C12orf42: variants seen among roughly 807,000 people sequenced by gnomAD.
C12orf42 encodes the protein uncharacterized protein C12orf42.
Under a neutral mutation model 21.6 loss-of-function variants are expected in C12orf42, and 25 were observed. The ratio of observed to expected loss-of-function variants is 1.16; its 90% CI spans 0.84 to 1.62. The LOEUF is 1.62. Among genes scored for constraint, C12orf42 ranks in the 40% most tolerant of loss-of-function variants. The pLI is 0.00. For synonymous variants in C12orf42, 174 were observed against 175.0 expected (o/e 0.99, Z 0.05); for missense variants, 483 against 459.3 (o/e 1.05, Z -0.47).
chr12:103,396,188 TG>T (rs2047517092), intron 3 of C12orf42, among the ~76,000 whole-genome samples: 6 of 151,648 alleles, frequency 4.0e-5, no homozygotes, highest in Admixed American at 6.6e-5. Flanking sequence ...TGGTGGGAGG[TG>T]ACTGGATCAT....
chr12:103,369,925 C>T (rs1381097837), intron 3 of C12orf42, among the ~76,000 whole-genome samples: 1 of 152,058 alleles, frequency 6.6e-6, no homozygotes, highest in Non-Finnish European at 1.5e-5. Flanking sequence ...AAGAAACTAT[C>T]AACAGAGTAA....
At chr12:103,219,215 A>G in the C12orf42 span, among the ~76,000 whole-genome samples, 1 of 152,206 alleles carries the variant, frequency 6.6e-6, no homozygotes, top group Non-Finnish European at 1.5e-5. Flanking sequence ...ATATGCAGAA[A>G]ACTGAAACTG....
chr12:103,062,852 C>A, the C12orf42 span, among the ~76,000 whole-genome samples: 1 of 152,002 alleles, frequency 6.6e-6, no homozygotes, highest in African/African-American at 2.4e-5. Context: ...TCCATTCTAT[C>A]TCTCCCTCTC....
At chr12:103,113,580 C>T in the C12orf42 span, among the ~76,000 whole-genome samples, 1 of 150,624 alleles carries the variant, frequency 6.6e-6, no homozygotes, top group Non-Finnish European at 1.5e-5. Flanking sequence ...TAAGGGGGTG[C>T]TACTGGCATC....
At chr12:103,399,461 C>T (rs867113338) in intron 3 of C12orf42, among the ~76,000 whole-genome samples, 2 of 149,498 alleles carry the variant, frequency 1.3e-5, no homozygotes, top group East Asian at 1.9e-4. Flanking sequence ...CTCCACCTCC[C>T]GGGTTCAAAT....
the C12orf42 span, chr12:103,155,292 T>G: frequency 2.6e-5 from 4 of 152,208 alleles, no homozygotes; most frequent in Admixed American, 2.6e-4. Context: ...GTAGGTGGTA[T>G]GCACCTCCAA....
At position 103,475,183 on chromosome 12, in the gene C12orf42, C is replaced by T. The variant is rs142921551; in HGVS notation, c.78+3166G>A. On this transcript the variant is annotated intron_variant, in intron 2 of 5. Coordinates refer to ENST00000548883, the MANE Select transcript of C12orf42 (RefSeq NM_198521.5). Reference sequence around the variant, plus strand: ...AACAAATGCCCATGACCCAGGTCACCTCATCCCAGCAGGCTTTTGCCGCGG... The same window carrying T: ...AACAAATGCCCATGACCCAGGTCACTTCATCCCAGCAGGCTTTTGCCGCGG... 2.8e-3 allele frequency among the ~76,000 whole-genome samples: 429 copies of T among 152,304 alleles called. 4 individuals are homozygous for T. Among genetic ancestry groups the T allele is most frequent in the African/African-American group, 9.7e-3 (404 of 41,562 alleles).
the C12orf42 span, among the ~76,000 whole-genome samples, chr12:103,204,007 T>C: frequency 6.6e-6 from 1 of 152,154 alleles, no homozygotes; most frequent in Non-Finnish European, 1.5e-5. Context: ...GATGATAAAA[T>C]CATTTCTTCA....
At chr12:103,469,108 G>A (rs76898800) in intron 2 of C12orf42, among the ~76,000 whole-genome samples, 2,091 of 152,166 alleles carry the variant, frequency 0.014, 56 homozygotes, top group African/African-American at 0.047. Flanking sequence ...TCACACCACC[G>A]TCACATCTCA....
rs550401992 is a variant in C12orf42, at chr12:103,414,873, A to C, written c.79-13198T>G. On this transcript the variant is annotated intron_variant, in intron 2 of 5. Coordinates refer to ENST00000548883, the MANE Select transcript of C12orf42 (RefSeq NM_198521.5). ...TTCTTTTCCTATTTGGATGCCTTTTATTTCTTTCTCTTGCTTGATTGCTCT... is the reference window on the plus strand; with the variant it reads ...TTCTTTTCCTATTTGGATGCCTTTTCTTTCTTTCTCTTGCTTGATTGCTCT... Among the ~76,000 whole-genome samples the C allele has an allele frequency of 3.3e-5, 5 of 152,208 alleles. No homozygotes were observed. In the South Asian group the frequency reaches 1.0e-3, roughly 32 times the overall value.
At chr12:103,229,193 A>C in the C12orf42 span, among the ~76,000 whole-genome samples, 6 of 152,164 alleles carry the variant, frequency 3.9e-5, no homozygotes, top group Admixed American at 2.6e-4. Context: ...AATTCTCCAC[A>C]TCTGCCTTCC....
chr12:103,508,093 T>C, the C12orf42 span, among the ~76,000 whole-genome samples: 1 of 152,204 alleles, frequency 6.6e-6, no homozygotes, highest in East Asian at 1.9e-4. Context: ...TTCAGGATTA[T>C]TGTAAGGGTG....
rs188180148 is a variant in C12orf42 at position 103,291,758 on chromosome 12, C to T, written n.338-14548G>A. Among the ~76,000 whole-genome samples, 20 of 152,190 alleles carry T rather than the reference C, an allele frequency of 1.3e-4. No homozygotes were observed. The South Asian group carries it at 2.7e-3, about 21-fold the overall frequency. On this transcript the variant is annotated intron_variant and non_coding_transcript_variant, in intron 4 of 6. Coordinates refer to the C12orf42 transcript ENST00000546526. Reference sequence around the variant, plus strand: ...TACCATTTTACCATATTGTAATTAGCGTATAATGAGCAGTGAGAGCAACTA... The same window carrying T: ...TACCATTTTACCATATTGTAATTAGTGTATAATGAGCAGTGAGAGCAACTA...
chr12:103,392,406 G>T (rs190795559), intron 3 of C12orf42, among the ~76,000 whole-genome samples: 1 of 152,284 alleles, frequency 6.6e-6, no homozygotes, highest in African/African-American at 2.4e-5. Context: ...CATGGAATTT[G>T]TAGATCACTT....
At chr12:103,553,440 T>A in the C12orf42 span, among the ~76,000 whole-genome samples, 14 of 152,084 alleles carry the variant, frequency 9.2e-5, no homozygotes. Flanking sequence ...AGCAACACAG[T>A]CTACAAGGAA....
At chr12:103,496,812 G>GC (rs1448909669), upstream of C12orf42, among the ~76,000 whole-genome samples, 1 of 85,870 alleles carries the variant, frequency 1.2e-5, no homozygotes, top group Non-Finnish European at 2.7e-5. Flanking sequence ...TTTCTAGCCG[G>GC]GAAAAAAAAA....
chr12:103,468,743 C>T (rs565250923), intron 2 of C12orf42, among the ~76,000 whole-genome samples: 17 of 151,836 alleles, frequency 1.1e-4, no homozygotes, highest in Non-Finnish European at 2.1e-4. Flanking sequence ...AAAAACGGGT[C>T]GATGAATTCA....
chr12:103,068,931 C>CT, the C12orf42 span, among the ~76,000 whole-genome samples: 58 of 47,042 alleles, frequency 1.2e-3, 1 homozygote, highest in Non-Finnish European at 1.5e-3. Context: ...ATCTCTCTCT[C>CT]CACATATATA....
chr12:103,225,985 G>C, the C12orf42 span, among the ~76,000 whole-genome samples: 1 of 152,246 alleles, frequency 6.6e-6, no homozygotes, highest in Non-Finnish European at 1.5e-5. Flanking sequence ...GTCAGTCAGA[G>C]AGCCTTGGGA....
Sources: allele counts gnomAD v4.1 joint callset (sites outside exome capture counted in the v4.1 genomes callset), GRCh38; gene constraint gnomAD v4.1.1; transcripts MANE v1.5; gene names NCBI Gene and HGNC (gene_info 2026-07-23, HGNC 2026-07-21).